The following GLIS3 variants were observed in gnomAD, a reference collection of about 807,000 sequenced individuals.
The protein encoded by GLIS3 is zinc finger protein GLIS3.
A neutral mutation model predicts 78.6 loss-of-function variants in GLIS3; 53 were observed. That is an observed-to-expected ratio of 0.67 (90% CI 0.54 to 0.85). GLIS3 has a LOEUF of 0.85. GLIS3 is among the 40% of genes least tolerant of loss of function. The probability of loss-of-function intolerance (pLI) is 0.00; values close to 1 mark genes in which losing one functional copy is unlikely to be tolerated. For missense variants in GLIS3, 1,703 were observed against 1,231.1 expected (o/e 1.38, Z -5.74); for synonymous variants, 684 against 509.9 (o/e 1.34, Z -4.60).
At chr9:3,968,539 T>C (rs533278925) in intron 4 of GLIS3, among the ~76,000 whole-genome samples, 1 of 152,336 alleles carries the variant, frequency 6.6e-6, no homozygotes, top group South Asian at 2.1e-4. Flanking sequence ...AAATGTTTGA[T>C]TAAATTATAC....
At chr9:4,299,151 C>T (rs1426498420) in intron 1 of GLIS3, among the ~76,000 whole-genome samples, 1 of 152,192 alleles carries the variant, frequency 6.6e-6, no homozygotes, top group Non-Finnish European at 1.5e-5. Context: ...CTGTCTTCTA[C>T]ACTGGGCGCT....
At position 4,335,111 on chromosome 9, in the gene GLIS3, T is replaced by C. The variant is rs1030184410; in HGVS notation, n.264+11970A>G. On this transcript the variant is annotated intron_variant and non_coding_transcript_variant, in intron 2 of 4. Coordinates refer to the GLIS3 transcript ENST00000471664. The stretch of plus-strand genomic sequence containing the variant: ...TTTTAGTGGAGACGAGGTTTCACCA[T>C]GTTAGCCAGGATGGTCTTGATCTCC... Among the ~76,000 whole-genome samples, 31 of 152,218 alleles carry C rather than the reference T, an allele frequency of 2.0e-4. 1 individual carries two copies. Among genetic ancestry groups the C allele is most frequent in the Non-Finnish European group, 3.1e-4 (21 of 68,010 alleles).
At chr9:3,872,608 C>G (rs1043272561) in intron 8 of GLIS3, among the ~76,000 whole-genome samples, 6 of 152,204 alleles carry the variant, frequency 3.9e-5, no homozygotes, top group South Asian at 2.1e-4. Flanking sequence ...GAGACTTATG[C>G]ACTACCAAGA....
chr9:4,011,387 G>A lies in GLIS3; in HGVS notation c.1711-74198C>T, dbSNP rs966611801. Among the ~76,000 whole-genome samples, 4 of 152,312 alleles carry A rather than the reference G, an allele frequency of 2.6e-5. 1 individual carries two copies. The highest frequency in any genetic ancestry group is 5.9e-5 in the Non-Finnish European group (4 of 68,024). ...TGAAAACAGAAGCAAATGACCAGAA[G>A]ACAAAGAGAACATAGAAATGTGTTT... is the stretch of plus-strand genomic sequence containing the variant. On this transcript the variant is annotated intron_variant, in intron 4 of 10. Transcript: ENST00000381971.
chr9:4,480,404 G>A, the GLIS3 span, among the ~76,000 whole-genome samples: 81 of 151,976 alleles, frequency 5.3e-4, no homozygotes, highest in African/African-American at 1.8e-3. Context: ...GTCTCATTAT[G>A]TTTTTCAGGC....
At chr9:4,301,156 A>C (rs1817054191), upstream of GLIS3, among the ~76,000 whole-genome samples, 1 of 152,162 alleles carries the variant, frequency 6.6e-6, no homozygotes, top group South Asian at 2.1e-4. Context: ...ATATTAACAT[A>C]ACCAAAAGAA....
At chr9:4,479,706 T>C in the GLIS3 span, among the ~76,000 whole-genome samples, 7 of 152,022 alleles carry the variant, frequency 4.6e-5, no homozygotes, top group Admixed American at 4.6e-4. Context: ...TGGTTGTGGC[T>C]GCACCCCAGG....
intron 4 of GLIS3, among the ~76,000 whole-genome samples, chr9:4,057,012 A>T (rs1038685324): frequency 6.8e-5 from 10 of 147,026 alleles, no homozygotes; most frequent in Admixed American, 2.2e-4. Context: ...CTAGTGCATT[A>T]TCTGCATGGC....
the GLIS3 span, among the ~76,000 whole-genome samples, chr9:4,367,206 C>A: frequency 6.6e-5 from 10 of 152,206 alleles, no homozygotes; most frequent in African/African-American, 2.4e-4. Context: ...ACGGCATATA[C>A]CCTGCCCACT....
intron 2 of GLIS3, among the ~76,000 whole-genome samples, chr9:4,311,011 G>C (rs1817343129): frequency 6.6e-6 from 1 of 152,160 alleles, no homozygotes; most frequent in South Asian, 2.1e-4. Flanking sequence ...GATTTGGAGG[G>C]CAGTGGGCAA....
chr9:4,340,508 C>T (rs2130583758), intron 2 of GLIS3, among the ~76,000 whole-genome samples: 1 of 152,226 alleles, frequency 6.6e-6, no homozygotes, highest in South Asian at 2.1e-4. Context: ...TCCCTGTTCT[C>T]CTTGCCCGGA....
At chr9:3,862,080 C>T (rs1370926419) in intron 8 of GLIS3, among the ~76,000 whole-genome samples, 2 of 151,960 alleles carry the variant, frequency 1.3e-5, no homozygotes, top group Admixed American at 1.3e-4. Context: ...TATCCTGAGT[C>T]CACAAATTCA....
chr9:4,200,710 C>G lies in GLIS3; in HGVS notation c.389-74769G>C, dbSNP rs972302219. ...AAAATCCTACCAACCAAAAAAAGCC[C>G]AAGGCCAGATGGACTCACAGGACTC... is the stretch of plus-strand genomic sequence containing the variant. On this transcript the variant is annotated intron_variant, in intron 2 of 10. Coordinates refer to ENST00000381971, the MANE Select transcript of GLIS3 (RefSeq NM_001042413.2). 1.8e-4 allele frequency among the ~76,000 whole-genome samples: 28 copies of G among 151,992 alleles called. 1 individual carries two copies. Among genetic ancestry groups the G allele is most frequent in the Admixed American group, 1.3e-4 (2 of 15,254 alleles).
At position 4,073,250 on chromosome 9, in the gene GLIS3, C is replaced by T. The variant is rs188523243; in HGVS notation, c.1710+44518G>A. 2.4e-4 allele frequency among the ~76,000 whole-genome samples: 36 copies of T among 152,266 alleles called. No individual in the cohort carries two copies. In the East Asian group the frequency reaches 6.6e-3, roughly 28 times the overall value. Reference sequence around the variant, plus strand: ...CAGCTGGGCTAGCATAGAGCACTGACGGCAACATTCATCTGAACACAGGAT... The same window carrying T: ...CAGCTGGGCTAGCATAGAGCACTGATGGCAACATTCATCTGAACACAGGAT... On this transcript the variant is annotated intron_variant, in intron 4 of 10. Transcript: ENST00000381971.
intron 4 of GLIS3, among the ~76,000 whole-genome samples, chr9:4,010,714 TAC>T (rs1821934077): frequency 1.3e-5 from 2 of 152,212 alleles, no homozygotes; most frequent in Admixed American, 6.5e-5. Context: ...GAAAGCCAGA[TAC>T]AGTTTTCCCT....
In GLIS3 at chr9:4,114,509, T is replaced by C. The variant is rs1288093397; in HGVS notation, c.1710+3259A>G. ...AATAGAATTCAACAGTTATAGCTGA[T>C]AATGCTCAAATATTTTGATAATTCT... is the stretch of plus-strand genomic sequence containing the variant. On this transcript the variant is annotated intron_variant, in intron 4 of 10. Coordinates refer to ENST00000381971, the MANE Select transcript of GLIS3 (RefSeq NM_001042413.2). Among the ~76,000 whole-genome samples the C allele has an allele frequency of 2.6e-5, 4 of 152,310 alleles. No individual in the cohort carries two copies. The East Asian group carries it at 7.7e-4, about 29-fold the overall frequency.
At chr9:4,460,587 C>G in the GLIS3 span, among the ~76,000 whole-genome samples, 2 of 129,046 alleles carry the variant, frequency 1.5e-5, no homozygotes, top group Non-Finnish European at 3.1e-5. Flanking sequence ...ATATGAGGAG[C>G]TCTTAGAAAA....
chr9:4,289,541 C>A (rs1448551606), intron 1 of GLIS3, among the ~76,000 whole-genome samples: 2 of 152,120 alleles, frequency 1.3e-5, no homozygotes, highest in African/African-American at 2.4e-5. Flanking sequence ...CTGTCAAAAA[C>A]TTAACTGACA....
At chr9:4,375,699 T>C in the GLIS3 span, among the ~76,000 whole-genome samples, 1 of 152,214 alleles carries the variant, frequency 6.6e-6, no homozygotes, top group African/African-American at 2.4e-5. Context: ...AGTGGCTTTT[T>C]AAAATATGTG....
Sources: gnomAD v4.1 joint callset for allele counts (sites outside exome capture counted in the v4.1 genomes callset) on GRCh38, gnomAD v4.1.1 for gene constraint, MANE v1.5 for transcripts, NCBI Gene and HGNC (gene_info 2026-07-23, HGNC 2026-07-21) for gene names.